The following TMEM132D variants were observed in gnomAD, a reference collection of about 807,000 sequenced individuals.
TMEM132D encodes transmembrane protein 132D.
A neutral mutation model predicts 62.3 loss-of-function variants in TMEM132D; 21 were observed. The observed-to-expected ratio is 0.34, with a 90% CI of 0.24 to 0.49. The LOEUF (loss-of-function observed/expected upper bound fraction) is 0.49. TMEM132D is among the 20% of genes least tolerant of loss of function. The probability of loss-of-function intolerance (pLI) is 0.99; values close to 1 mark genes in which losing one functional copy is unlikely to be tolerated. For synonymous variants in TMEM132D, 621 were observed against 575.6 expected (o/e 1.08, Z -1.13); for missense variants, 1,346 against 1,402.8 (o/e 0.96, Z 0.65).
intron 8 of TMEM132D, among the ~76,000 whole-genome samples, chr12:129,078,281 T>C (rs922103094): frequency 2.6e-5 from 4 of 152,264 alleles, no homozygotes; most frequent in Non-Finnish European, 5.9e-5. Flanking sequence ...TGCCCCTTAA[T>C]GGCTTCTCAT....
chr12:129,178,767 T>C (rs1877979501), intron 5 of TMEM132D, among the ~76,000 whole-genome samples: 1 of 152,130 alleles, frequency 6.6e-6, no homozygotes, highest in Non-Finnish European at 1.5e-5. Flanking sequence ...CATGCCTATG[T>C]ATACATGCTT....
At chr12:129,206,683 C>T (rs1878857003) in intron 5 of TMEM132D, among the ~76,000 whole-genome samples, 1 of 152,250 alleles carries the variant, frequency 6.6e-6, no homozygotes, top group East Asian at 1.9e-4. Flanking sequence ...TTCACAATAG[C>T]AAAGACATGA....
intron 4 of TMEM132D, among the ~76,000 whole-genome samples, chr12:129,211,723 T>C (rs1436488065): frequency 6.6e-6 from 1 of 152,224 alleles, no homozygotes; most frequent in Admixed American, 6.5e-5. Flanking sequence ...TCAGAGACCA[T>C]GTTTCAAACT....
At chr12:129,196,446 A>G (rs960894636) in intron 5 of TMEM132D, among the ~76,000 whole-genome samples, 1 of 152,072 alleles carries the variant, frequency 6.6e-6, no homozygotes, top group Non-Finnish European at 1.5e-5. Flanking sequence ...TATAAATTCT[A>G]TGTAAGTGGG....
chr12:129,528,746 A>G (rs1196002344), intron 3 of TMEM132D, among the ~76,000 whole-genome samples: 1 of 152,266 alleles, frequency 6.6e-6, no homozygotes, highest in East Asian at 1.9e-4. Context: ...AGAACAAATT[A>G]TCAAATTGAA....
intron 5 of TMEM132D, among the ~76,000 whole-genome samples, chr12:129,143,123 A>G (rs1375002675): frequency 6.6e-6 from 1 of 152,072 alleles, no homozygotes; most frequent in African/African-American, 2.4e-5. Context: ...GCTCAGTCCC[A>G]TAAGACTGTC....
chr12:129,768,453 A>C (rs933479932), intron 1 of TMEM132D, among the ~76,000 whole-genome samples: 4 of 151,558 alleles, frequency 2.6e-5, no homozygotes, highest in African/African-American at 9.7e-5. Context: ...TTAATTTTTT[A>C]AGGACGGTTC....
intron 2 of TMEM132D, among the ~76,000 whole-genome samples, chr12:129,585,815 ATGTGTGTGTG>A (rs34364323): frequency 1.4e-5 from 2 of 147,640 alleles, no homozygotes; most frequent in South Asian, 2.2e-4. Flanking sequence ...ATATGCATGC[ATGTGTGTGTG>A]TGTGTGTGTG....
chr12:129,743,370 TAGTA>T (rs1395095288), intron 1 of TMEM132D, among the ~76,000 whole-genome samples: 2 of 152,170 alleles, frequency 1.3e-5, no homozygotes, highest in Non-Finnish European at 2.9e-5. Flanking sequence ...GTTCGCACGA[TAGTA>T]AGTGAGTTCA....
At chr12:129,570,609 C>CG (rs1877485875) in intron 2 of TMEM132D, among the ~76,000 whole-genome samples, 1 of 152,160 alleles carries the variant, frequency 6.6e-6, no homozygotes. Context: ...GGCATCTGAT[C>CG]GGGGCTGCTG....
intron 4 of TMEM132D, among the ~76,000 whole-genome samples, chr12:129,307,009 G>A (rs759068406): frequency 6.6e-6 from 1 of 151,794 alleles, no homozygotes; most frequent in Non-Finnish European, 1.5e-5. Context: ...AACTCAAACT[G>A]CCTCAAATAT....
At chr12:129,505,485 C>T (rs111928419) in intron 3 of TMEM132D, among the ~76,000 whole-genome samples, 11 of 152,048 alleles carry the variant, frequency 7.2e-5, no homozygotes, top group Admixed American at 3.3e-4. Flanking sequence ...CCTTGTGATC[C>T]GCCCACCTCG....
chr12:129,859,363 A>T (rs1873817437), intron 1 of TMEM132D, among the ~76,000 whole-genome samples: 1 of 152,228 alleles, frequency 6.6e-6, no homozygotes, highest in Non-Finnish European at 1.5e-5. Context: ...TTACTTTTGC[A>T]CCAACATACT....
chr12:129,272,631 T>C (rs1880884954), intron 4 of TMEM132D, among the ~76,000 whole-genome samples: 1 of 145,820 alleles, frequency 6.9e-6, no homozygotes. Flanking sequence ...GCCTGCTTAT[T>C]TGTTTTTTGC....
At chr12:129,774,511 T>A (rs1870857082) in intron 1 of TMEM132D, among the ~76,000 whole-genome samples, 1 of 152,180 alleles carries the variant, frequency 6.6e-6, no homozygotes, top group Non-Finnish European at 1.5e-5. Flanking sequence ...CCCGTTGCAA[T>A]CACGTCGGTT....
chr12:129,832,374 A>T (rs1872870309), intron 1 of TMEM132D, among the ~76,000 whole-genome samples: 1 of 151,624 alleles, frequency 6.6e-6, no homozygotes, highest in African/African-American at 2.4e-5. Flanking sequence ...TTGTAAAAGG[A>T]TATATCATAA....
chr12:129,773,981 G>A (rs1363660756), intron 1 of TMEM132D, among the ~76,000 whole-genome samples: 2 of 152,164 alleles, frequency 1.3e-5, no homozygotes, highest in Non-Finnish European at 2.9e-5. Context: ...TTGGTACCAG[G>A]AGCATAGGAT....
chr12:129,899,304 C>CATGG (rs61141755), intron 1 of TMEM132D, among the ~76,000 whole-genome samples: 13,273 of 125,066 alleles, frequency 0.11, 1,041 homozygotes, highest in Middle Eastern at 0.19. Context: ...TGGATGCATG[C>CATGG]ATGGATGGAT....
intron 4 of TMEM132D, among the ~76,000 whole-genome samples, chr12:129,223,297 G>A (rs1184983972): frequency 1.3e-5 from 2 of 151,954 alleles, no homozygotes; most frequent in African/African-American, 4.8e-5. Context: ...GGTCCTAAAA[G>A]CCAAGACAGC....
Sources: allele counts gnomAD v4.1 joint callset (sites outside exome capture counted in the v4.1 genomes callset), GRCh38; gene constraint gnomAD v4.1.1; transcripts MANE v1.5; gene names NCBI Gene and HGNC (gene_info 2026-07-23, HGNC 2026-07-21).